PARD3B: variants seen among roughly 807,000 people sequenced by gnomAD.
The protein encoded by PARD3B is par-3 family cell polarity regulator beta.
PARD3B carries 103 observed loss-of-function variants against 130.2 expected under a neutral mutation model. That is an observed-to-expected ratio of 0.79 (90% confidence interval 0.67 to 0.93). The LOEUF (loss-of-function observed/expected upper bound fraction) is 0.93, where lower values mean the gene tolerates loss of function less well. Among genes scored for constraint, PARD3B ranks in the 40% least tolerant of loss-of-function variants. The probability of loss-of-function intolerance (pLI) is 0.00; values close to 1 mark genes in which losing one functional copy is unlikely to be tolerated. For missense variants in PARD3B, 1,609 were observed against 1,499.2 expected (o/e 1.07, Z -1.21); for synonymous variants, 583 against 553.2 (o/e 1.05, Z -0.76).
intron 2 of PARD3B, among the ~76,000 whole-genome samples, chr2:204,692,040 A>G (rs2037378516): frequency 6.6e-6 from 1 of 152,156 alleles, no homozygotes; most frequent in African/African-American, 2.4e-5. Context: ...TGCTGCATGA[A>G]CTAGTGACCT....
chr2:205,057,226 TATGTGTTATATACATATAC>T (rs1699696908), intron 4 of PARD3B, among the ~76,000 whole-genome samples: 1 of 150,620 alleles, frequency 6.6e-6, no homozygotes, highest in African/African-American at 2.4e-5. Context: ...TATGTATGTA[TATGTGTTATATACATATAC>T]ATGTGTTATA....
At chr2:205,593,535 G>A (rs2054464459) in intron 22 of PARD3B, among the ~76,000 whole-genome samples, 1 of 152,138 alleles carries the variant, frequency 6.6e-6, no homozygotes, top group African/African-American at 2.4e-5. Flanking sequence ...TGTTAGTGAA[G>A]GATAAGTATG....
At chr2:204,720,969 TA>T (rs1306233844) in intron 2 of PARD3B, among the ~76,000 whole-genome samples, 2 of 151,252 alleles carry the variant, frequency 1.3e-5, no homozygotes, top group African/African-American at 2.4e-5. Flanking sequence ...ATAAGGAACA[TA>T]AAAAAAAGAC....
chr2:205,347,152 T>C (rs2043824489), intron 18 of PARD3B, among the ~76,000 whole-genome samples: 1 of 152,200 alleles, frequency 6.6e-6, no homozygotes. Context: ...CTTCAAATTG[T>C]TGTAGTTATC....
At chr2:204,974,121 G>C (rs1351117520) in intron 3 of PARD3B, among the ~76,000 whole-genome samples, 1 of 152,154 alleles carries the variant, frequency 6.6e-6, no homozygotes, top group Non-Finnish European at 1.5e-5. Flanking sequence ...AATAAATTCT[G>C]ATTACTAATC....
In PARD3B at chr2:205,165,722, A is replaced by AAAATAAAT. The variant is rs71032449; in HGVS notation, c.1621-6445_1621-6438dup. On this transcript the variant is annotated intron_variant, in intron 11 of 22. Coordinates refer to ENST00000406610, the MANE Select transcript of PARD3B (RefSeq NM_001302769.2). ...AACAAGAGGGAGAGACTCTGTCTCAAAAATAAATAAATAAATAAATAAATA... is the reference window on the plus strand; with the variant it reads ...AACAAGAGGGAGAGACTCTGTCTCAAAAATAAATAAATAAATAAATAAATAAATAAATA... Among the ~76,000 whole-genome samples the AAAATAAAT allele has an allele frequency of 6.3e-3, 923 of 146,138 alleles. 7 individuals are homozygous for AAAATAAAT. Among genetic ancestry groups the AAAATAAAT allele is most frequent in the East Asian group, 0.01 (51 of 4,942 alleles).
intron 2 of PARD3B, among the ~76,000 whole-genome samples, chr2:204,791,650 T>C (rs903940554): frequency 1.3e-5 from 2 of 152,262 alleles, no homozygotes; most frequent in Non-Finnish European, 2.9e-5. Flanking sequence ...TAATAACTAT[T>C]GATTCCAGTT....
intron 4 of PARD3B, among the ~76,000 whole-genome samples, chr2:205,068,714 A>G (rs1274737704): frequency 6.6e-6 from 1 of 152,082 alleles, no homozygotes; most frequent in Non-Finnish European, 1.5e-5. Flanking sequence ...GCATCCGCTA[A>G]TTTTTGATGC....
At chr2:204,911,630 C>G (rs1277935642) in intron 2 of PARD3B, among the ~76,000 whole-genome samples, 1 of 152,186 alleles carries the variant, frequency 6.6e-6, no homozygotes, top group East Asian at 1.9e-4. Flanking sequence ...CTATGATGTG[C>G]TTAATGGCGT....
In PARD3B at chr2:204,686,216, A is replaced by G. The variant is rs768684771; in HGVS notation, c.156A>G (p.Glu52=). The change falls in exon 2 of 23, where the codon GAA becomes GAG. Residue 52 remains glutamate, a synonymous_variant. Coordinates refer to ENST00000406610, the MANE Select transcript of PARD3B (RefSeq NM_001302769.2). The part of the protein sequence containing the change: ...PGYWVKIHHL[E]YTDGGILDPD... ...ACTGGGTGAAGATTCATCACTTAGA[A>G]TATACAGATGGAGGAATCCTGGATC... 2.7e-5 allele frequency: 43 copies of G among 1,612,664 alleles called. No individual in the cohort carries two copies. The East Asian group carries it at 9.4e-4, about 35-fold the overall frequency.
At chr2:205,181,974 C>T (rs2035812977) in intron 13 of PARD3B, among the ~76,000 whole-genome samples, 1 of 152,174 alleles carries the variant, frequency 6.6e-6, no homozygotes, top group African/African-American at 2.4e-5. Context: ...AAATTCCTTA[C>T]AGCATCTGAA....
intron 21 of PARD3B, among the ~76,000 whole-genome samples, chr2:205,551,638 T>C (rs956147661): frequency 6.6e-6 from 1 of 152,134 alleles, no homozygotes; most frequent in Non-Finnish European, 1.5e-5. Flanking sequence ...ACACCAAGAA[T>C]AGTCTTTCTT....
intron 2 of PARD3B, among the ~76,000 whole-genome samples, chr2:204,902,151 AC>A (rs1389369129): frequency 6.6e-6 from 1 of 152,028 alleles, no homozygotes; most frequent in Non-Finnish European, 1.5e-5. Context: ...TTAGATAATA[AC>A]TTTTCTTTCA....
rs1480565343 is a variant in PARD3B at position 205,268,303 on chromosome 2, C to T, written c.2185+22481C>T. The stretch of plus-strand genomic sequence containing the variant: ...TGAAGACAGACTGATTAAGCTCACT[C>T]ATATAATTGGTTTTTGAGAACGGTT... On this transcript the variant is annotated intron_variant, in intron 16 of 22. Transcript: ENST00000406610. This position sits in a 1 kb window ranked among gnomAD's most constrained non-coding sequence, Gnocchi z 4.1. Among the ~76,000 whole-genome samples, 2 of 152,212 alleles carry T rather than the reference C, an allele frequency of 1.3e-5. No individual in the cohort carries two copies. Among genetic ancestry groups the T allele is most frequent in the African/African-American group, 4.8e-5 (2 of 41,450 alleles).
At position 205,188,783 on chromosome 2, in the gene PARD3B, CAAAAAAAAA is replaced by C. The variant is rs68034154; in HGVS notation, c.2024+2932_2024+2940del. 2.2e-4 allele frequency among the ~76,000 whole-genome samples: 21 copies of C among 97,390 alleles called. No individual in the cohort carries two copies. In the Middle Eastern group the frequency reaches 0.018, roughly 83 times the overall value. 63.9% of individuals were successfully genotyped at this position (97,390 alleles called of 152,430 possible). ...AAAGGCTCTCCTGCCTTCTGCCTTT[CAAAAAAAAA>C]AAAAAAAAAAAGGAAAAGCCCTCTC... On this transcript the variant is annotated intron_variant, in intron 14 of 22. Transcript: ENST00000406610.
chr2:204,946,203 G>C (rs115349076), intron 2 of PARD3B, among the ~76,000 whole-genome samples: 104 of 152,286 alleles, frequency 6.8e-4, no homozygotes, highest in Admixed American at 1.5e-3. Flanking sequence ...CTTGAAATGA[G>C]GAGTTGTATG....
Position 204,606,191 on chromosome 2 carries a change from T to G in PARD3B, c.120+60072T>G, listed in dbSNP as rs1415046404. Among the ~76,000 whole-genome samples the G allele has an allele frequency of 6.6e-6, 1 of 152,214 alleles. No homozygotes were observed. Among genetic ancestry groups the G allele is most frequent in the African/African-American group, 2.4e-5 (1 of 41,462 alleles). On this transcript the variant is annotated intron_variant, in intron 1 of 22. Transcript: ENST00000406610. This position sits in a 1 kb window ranked among gnomAD's most constrained non-coding sequence, Gnocchi z 4.0. ...CCTGGATCAGATTTTTGTCTTTGAG[T>G]TTGCCACACATGTGGCATAGTGCAG...
chr2:205,596,049 C>T (rs2054558749), intron 22 of PARD3B, among the ~76,000 whole-genome samples: 1 of 152,144 alleles, frequency 6.6e-6, no homozygotes, highest in Non-Finnish European at 1.5e-5. Flanking sequence ...AAGTATGGAA[C>T]CCACAGAAGG....
At chr2:205,103,191 T>G in intron 4 of PARD3B, among the ~76,000 whole-genome samples, 1 of 146,274 alleles carries the variant, frequency 6.8e-6, no homozygotes, top group South Asian at 2.1e-4. Flanking sequence ...AGTAAACATT[T>G]TATATTTATG....
Sources: gnomAD v4.1 joint callset for allele counts (sites outside exome capture counted in the v4.1 genomes callset) on GRCh38, gnomAD v4.1.1 for gene constraint, Gnocchi (gnomAD v3.1) non-coding constraint, MANE v1.5 for transcripts, NCBI Gene and HGNC (gene_info 2026-07-23, HGNC 2026-07-21) for gene names.